Variants in ZBTB20 observed in about 807,000 individuals in gnomAD.
ZBTB20 encodes the protein zinc finger and BTB domain containing 20.
A neutral mutation model predicts 56.9 loss-of-function variants in ZBTB20; 9 were observed. The ratio of observed to expected loss-of-function variants is 0.16; its 90% CI spans 0.10 to 0.28. ZBTB20 has a LOEUF of 0.28. ZBTB20 is among the 10% of genes least tolerant of loss of function. The probability of loss-of-function intolerance (pLI) is 1.00; values close to 1 mark genes in which losing one functional copy is unlikely to be tolerated. For missense variants in ZBTB20, 655 were observed against 1,003.0 expected, an observed-to-expected ratio of 0.65 and a Z score of 4.69; for synonymous variants, 417 against 420.7, an observed-to-expected ratio of 0.99 and a Z score of 0.11.
At chr3:114,640,852 A>C (rs2059524171) in intron 6 of ZBTB20, among the ~76,000 whole-genome samples, 1 of 152,004 alleles carries the variant, frequency 6.6e-6, no homozygotes, top group Non-Finnish European at 1.5e-5. Context: ...AATTTCTATG[A>C]ATTATTTAGG....
At chr3:114,810,686 T>C (rs1186235175) in intron 4 of ZBTB20, among the ~76,000 whole-genome samples, 2 of 152,220 alleles carry the variant, frequency 1.3e-5, no homozygotes, top group Non-Finnish European at 2.9e-5. Flanking sequence ...TTTTAATCTA[T>C]AGTGGGCATA....
chr3:114,604,421 T>C (rs1399240924), intron 6 of ZBTB20, among the ~76,000 whole-genome samples: 1 of 151,744 alleles, frequency 6.6e-6, no homozygotes, highest in Middle Eastern at 3.4e-3. Context: ...GAGAAAAAGG[T>C]GGATGGGGAG....
At chr3:114,387,710 C>A (rs1166177605) in intron 8 of ZBTB20, 1 of 152,202 alleles carries the variant, frequency 6.6e-6, no homozygotes, top group Non-Finnish European at 1.5e-5. Context: ...AGAAAACTAT[C>A]CAGATGTGGG....
chr3:115,128,733 A>AGGGGAGGGGAGGGCAGTGGG (rs2084412181), intron 1 of ZBTB20, among the ~76,000 whole-genome samples: 1 of 24,698 alleles, frequency 4.0e-5, no homozygotes, highest in African/African-American at 1.5e-4. Context: ...AGGGCAGTGG[A>AGGGGAGGGGAGGGCAGTGGG]GGGGAGGGAA....
chr3:114,916,531 C>T lies in ZBTB20; in HGVS notation c.-455-16189G>A, dbSNP rs1045515063. On this transcript the variant is annotated intron_variant, in intron 3 of 11. Coordinates refer to ENST00000675478, the MANE Select transcript of ZBTB20 (RefSeq NM_001348800.3). Reference sequence around the variant, plus strand: ...GATTTCTTATTGCTCATTAACATCCCTTTCTTTCTAATTGAAGTACTCCAT... The same window carrying T: ...GATTTCTTATTGCTCATTAACATCCTTTTCTTTCTAATTGAAGTACTCCAT... Among the ~76,000 whole-genome samples, 6 of 152,136 alleles carry T rather than the reference C, an allele frequency of 3.9e-5. No homozygotes were observed. The East Asian group carries it at 7.7e-4, about 20-fold the overall frequency.
chr3:114,460,724 T>C (rs1209656751), intron 7 of ZBTB20, among the ~76,000 whole-genome samples: 1 of 152,206 alleles, frequency 6.6e-6, no homozygotes, highest in Non-Finnish European at 1.5e-5. Flanking sequence ...TGTGGTAATT[T>C]GTTATAACAG....
chr3:114,598,393 C>T (rs560262222), intron 6 of ZBTB20, among the ~76,000 whole-genome samples: 1 of 92,826 alleles, frequency 1.1e-5, no homozygotes, highest in Non-Finnish European at 2.1e-5. Flanking sequence ...ACAGAAAATA[C>T]TGTAAAGTTG....
intron 4 of ZBTB20, among the ~76,000 whole-genome samples, chr3:114,831,539 G>A (rs1050570014): frequency 6.6e-6 from 1 of 151,998 alleles, no homozygotes; most frequent in African/African-American, 2.4e-5. Flanking sequence ...CATTCATACA[G>A]CAATATTCAT....
At chr3:114,370,250 C>T (rs2082855578) in intron 10 of ZBTB20, among the ~76,000 whole-genome samples, 1 of 152,178 alleles carries the variant, frequency 6.6e-6, no homozygotes. Flanking sequence ...ATTCATTACT[C>T]CACTTTTGAG....
chr3:114,445,941 T>C (rs944690154), intron 7 of ZBTB20, among the ~76,000 whole-genome samples: 4 of 152,168 alleles, frequency 2.6e-5, no homozygotes, highest in Admixed American at 6.5e-5. Flanking sequence ...TTTGCTGTAG[T>C]TAAAACCTTT....
rs538680097 is a variant in ZBTB20, at chr3:114,527,389, C to T, written c.-294-26998G>A. The T allele has an allele frequency of 9.2e-5, 14 of 152,290 alleles. No homozygotes were observed. In the South Asian group the frequency reaches 1.7e-3, roughly 18 times the overall value. The allele number at this position is 152,290 out of a possible 1,614,324, so 9.4% of individuals were successfully genotyped here. On this transcript the variant is annotated intron_variant, in intron 6 of 11. Coordinates refer to ENST00000675478, the MANE Select transcript of ZBTB20 (RefSeq NM_001348800.3). ...ACAATATCCATGTTATTTCACAGGG[C>T]TGAAGGGGGCAGGAAGCCCTTTGGT...
intron 11 of ZBTB20, among the ~76,000 whole-genome samples, chr3:114,347,125 C>G (rs1466617187): frequency 8.9e-6 from 1 of 112,204 alleles, no homozygotes; most frequent in Non-Finnish European, 1.7e-5. Context: ...GATAGGTACC[C>G]AGGTTGGCCT....
At chr3:114,734,332 A>G (rs890362970) in intron 5 of ZBTB20, among the ~76,000 whole-genome samples, 7 of 152,138 alleles carry the variant, frequency 4.6e-5, no homozygotes, top group African/African-American at 1.7e-4. Flanking sequence ...CAATAAGAAT[A>G]AGCAGCTTTC....
At chr3:114,759,615 G>T (rs2068287457) in intron 5 of ZBTB20, among the ~76,000 whole-genome samples, 1 of 152,006 alleles carries the variant, frequency 6.6e-6, no homozygotes, top group Admixed American at 6.6e-5. Flanking sequence ...TAACAGTCTG[G>T]AAACACAGAA....
chr3:114,683,474 G>A (rs567072147), intron 6 of ZBTB20, among the ~76,000 whole-genome samples: 1 of 152,186 alleles, frequency 6.6e-6, no homozygotes, highest in South Asian at 2.1e-4. Flanking sequence ...GCTCATTTTA[G>A]GTTCCCTCCA....
chr3:114,641,480 T>C (rs1345968028), intron 6 of ZBTB20, among the ~76,000 whole-genome samples: 1 of 151,744 alleles, frequency 6.6e-6, no homozygotes, highest in African/African-American at 2.4e-5. Flanking sequence ...TAATTTTTCT[T>C]ATATAGATAT....
intron 6 of ZBTB20, among the ~76,000 whole-genome samples, chr3:114,686,473 C>T (rs1394607247): frequency 6.6e-6 from 1 of 152,098 alleles, no homozygotes; most frequent in Non-Finnish European, 1.5e-5. Context: ...AAGTATTAAG[C>T]CAACCACCAA....
rs565342058 is a variant in ZBTB20, at chr3:114,702,476, TTG to T, written c.-342-8903_-342-8902del. On this transcript the variant is annotated intron_variant, in intron 5 of 11. Transcript: ENST00000675478. ...TATACACATACACAGATGAATTTTT[TTG>T]TCTTTGTCAAAATTTCTGGTAATTA... 6.6e-4 allele frequency among the ~76,000 whole-genome samples: 101 copies of T among 152,182 alleles called. 3 individuals carry two copies. In the South Asian group the frequency reaches 0.02, roughly 31 times the overall value.
At chr3:114,794,059 G>T (rs1252410211) in intron 5 of ZBTB20, among the ~76,000 whole-genome samples, 1 of 151,714 alleles carries the variant, frequency 6.6e-6, no homozygotes, top group Non-Finnish European at 1.5e-5. Flanking sequence ...GCAGGAGATA[G>T]CACAGAGTTT....
Sources: allele counts gnomAD v4.1 joint callset (sites outside exome capture counted in the v4.1 genomes callset), GRCh38; gene constraint gnomAD v4.1.1; transcripts MANE v1.5; gene names NCBI Gene and HGNC (gene_info 2026-07-23, HGNC 2026-07-21).